The following KDM4B variants were observed in gnomAD, a reference collection of about 807,000 sequenced individuals.
KDM4B encodes lysine demethylase 4B.
KDM4B carries 32 observed loss-of-function variants against 125.2 expected under a neutral mutation model. The observed-to-expected ratio is 0.26, with a 90% CI of 0.19 to 0.34. The LOEUF (loss-of-function observed/expected upper bound fraction) is 0.34, where lower values mean the gene tolerates loss of function less well. KDM4B is among the 10% of genes least tolerant of loss of function. The pLI is 1.00. For missense variants in KDM4B, 1,190 were observed against 1,577.7 expected (o/e 0.75, Z 4.16); for synonymous variants, 721 against 677.9 (o/e 1.06, Z -0.99).
chr19:5,105,909 G>A lies in KDM4B; in HGVS notation c.919-4713G>A, dbSNP rs563089509. Among the ~76,000 whole-genome samples, 48 of 152,350 alleles carry A rather than the reference G, an allele frequency of 3.2e-4. 1 individual carries two copies. Among genetic ancestry groups the A allele is most frequent in the Admixed American group, 1.0e-3 (16 of 15,304 alleles). ...AAAACTTTATTCACAAAAACAAGTG[G>A]CAGGCCAGATGTGGCCCATGGGCCC... is the stretch of plus-strand genomic sequence containing the variant. On this transcript the variant is annotated intron_variant, in intron 9 of 22. Transcript: ENST00000159111.
chr19:5,034,669 C>T (rs1391097303), intron 3 of KDM4B, among the ~76,000 whole-genome samples: 1 of 152,254 alleles, frequency 6.6e-6, no homozygotes, highest in Admixed American at 6.5e-5. Flanking sequence ...CTGCCCCTCC[C>T]TCCACTCCCT....
chr19:5,038,889 C>G (rs1320947693), intron 3 of KDM4B, among the ~76,000 whole-genome samples: 1 of 152,264 alleles, frequency 6.6e-6, no homozygotes, highest in Non-Finnish European at 1.5e-5. Flanking sequence ...TTCCTGTTGG[C>G]TCACTCCAGG....
At chr19:5,133,339 G>C (rs1226181836) in intron 13 of KDM4B, among the ~76,000 whole-genome samples, 1 of 152,172 alleles carries the variant, frequency 6.6e-6, no homozygotes, top group Admixed American at 6.5e-5. Context: ...CCCTGGTCAC[G>C]GCCCCTCCTG....
chr19:5,069,941 G>C (rs1416589406), intron 6 of KDM4B, among the ~76,000 whole-genome samples: 2 of 152,166 alleles, frequency 1.3e-5, no homozygotes, highest in East Asian at 3.9e-4. Context: ...TGGCCTTTCA[G>C]CTGGAAGGGG....
At chr19:5,137,490 CG>C in intron 16 of KDM4B, 130 bp from the exon 17 acceptor site, 1 of 1,212,404 alleles carries the variant, frequency 8.2e-7, no homozygotes, top group Non-Finnish European at 1.2e-6. Context: ...GATTCCCACC[CG>C]TCACTTTGGT....
intron 6 of KDM4B, among the ~76,000 whole-genome samples, chr19:5,067,795 C>T (rs913704460): frequency 2.0e-5 from 3 of 152,174 alleles, no homozygotes; most frequent in Admixed American, 2.0e-4. Context: ...GGGCAGCTGT[C>T]TGTCCAGAAA....
In KDM4B at chr19:5,114,143, T is replaced by A; in HGVS notation, c.1115+3325T>A. On this transcript the variant is annotated intron_variant, in intron 10 of 22. Coordinates refer to ENST00000159111, the MANE Select transcript of KDM4B (RefSeq NM_015015.3). The surrounding 1 kb of genome is among the most constrained non-coding windows in gnomAD (Gnocchi z 5.8). The stretch of plus-strand genomic sequence containing the variant: ...CCTGCCTGAGCCGGAGCCCTCACAG[T>A]GCTCTCTGGCACCCACGCGACGCTC... 2.3e-6 allele frequency: 3 copies of A among 1,289,428 alleles called. No individual in the cohort carries two copies. The highest frequency in any genetic ancestry group is 3.0e-6 in the Non-Finnish European group (3 of 988,768). 79.9% of individuals were successfully genotyped at this position (1,289,428 alleles called of 1,614,324 possible). A position where few individuals can be genotyped will look rare whatever the true frequency, so the allele number is the denominator to read the frequency against.
chr19:5,028,905 T>G (rs2036364953), intron 2 of KDM4B, among the ~76,000 whole-genome samples: 1 of 152,098 alleles, frequency 6.6e-6, no homozygotes, highest in African/African-American at 2.4e-5. Context: ...CTTGGCCTGT[T>G]TTTTGCTGGT....
chr19:5,061,690 C>T (rs2037602474), intron 6 of KDM4B, among the ~76,000 whole-genome samples: 1 of 152,070 alleles, frequency 6.6e-6, no homozygotes, highest in Non-Finnish European at 1.5e-5. Context: ...CATTGCAAGA[C>T]TCCATCTCTA....
intron 1 of KDM4B, among the ~76,000 whole-genome samples, chr19:4,981,426 G>C (rs574199265): frequency 6.6e-6 from 1 of 152,308 alleles, no homozygotes; most frequent in Admixed American, 6.5e-5. Flanking sequence ...CGCGAATCCA[G>C]CCTGGGGTTG....
intron 11 of KDM4B, among the ~76,000 whole-genome samples, chr19:5,126,209 T>TG (rs1170713317): frequency 6.6e-6 from 1 of 152,038 alleles, no homozygotes; most frequent in East Asian, 1.9e-4. Context: ...GAGAGGTGCC[T>TG]GGGGGGCGGT....
intron 1 of KDM4B, among the ~76,000 whole-genome samples, chr19:4,977,106 T>G (rs1351014890): frequency 6.6e-6 from 1 of 152,186 alleles, no homozygotes; most frequent in Non-Finnish European, 1.5e-5. Flanking sequence ...CCTTCCCTCT[T>G]TCTTTTCTTT....
intron 1 of KDM4B, among the ~76,000 whole-genome samples, chr19:4,999,252 A>G (rs1386553372): frequency 6.6e-6 from 1 of 152,178 alleles, no homozygotes; most frequent in East Asian, 1.9e-4. Context: ...GTTATAATCC[A>G]CTGCCATCAC....
rs858416 is a variant in KDM4B, at chr19:5,056,753, C to T, written c.626+9084C>T. On this transcript the variant is annotated intron_variant, in intron 6 of 22. Transcript: ENST00000159111. ...TGATTTGGGACCTTTATCACATCTT[C>T]GAGACCCTCACGGCAGCAGCACGGG... is the stretch of plus-strand genomic sequence containing the variant. 2.7e-3 allele frequency among the ~76,000 whole-genome samples: 407 copies of T among 152,158 alleles called. 3 individuals are homozygous for T. The highest frequency in any genetic ancestry group is 0.01 in the Middle Eastern group (3 of 292).
intron 1 of KDM4B, among the ~76,000 whole-genome samples, chr19:4,996,144 G>A (rs965572621): frequency 1.3e-5 from 2 of 151,910 alleles, no homozygotes; most frequent in African/African-American, 2.4e-5. Context: ...CATGTGCCAC[G>A]ACGCCTGGCT....
intron 6 of KDM4B, among the ~76,000 whole-genome samples, chr19:5,064,267 C>T (rs186557590): frequency 3.9e-5 from 6 of 152,338 alleles, no homozygotes; most frequent in Non-Finnish European, 8.8e-5. Context: ...GTACTTCCAG[C>T]GTGACGTGCA....
At chr19:5,096,030 G>A (rs1391012372) in intron 9 of KDM4B, among the ~76,000 whole-genome samples, 1 of 152,122 alleles carries the variant, frequency 6.6e-6, no homozygotes, top group Non-Finnish European at 1.5e-5. Flanking sequence ...CTTGTGTTAT[G>A]GAAATGTAGG....
At chr19:5,084,353 T>C (rs1292610602) in intron 9 of KDM4B, among the ~76,000 whole-genome samples, 1 of 145,090 alleles carries the variant, frequency 6.9e-6, no homozygotes, top group Non-Finnish European at 1.5e-5. Context: ...TTGTATGTAA[T>C]TTATATATTG....
rs374032518 is a variant in KDM4B at position 5,135,472 on chromosome 19, C to T, written c.2219C>T (p.Thr740Met). Residue 740 changes from threonine to methionine, a missense_variant, in exon 15 of 23, where the codon ACG becomes ATG. By Grantham distance (81) the Thr-to-Met change is moderately conservative. Transcript: ENST00000159111. ...TGCTTCACCTCTGGCGGTGAGAACA[C>T]GGAGCCGCTGCCTGCCAACTCCTAC... ...EMCFTSGGEN[T>M]EPLPANSYIG... 6.2e-6 allele frequency: 10 copies of T among 1,613,124 alleles called. No individual in the cohort carries two copies. The highest frequency in any genetic ancestry group is 5.3e-5 in the African/African-American group (4 of 74,936).
Sources: allele counts gnomAD v4.1 joint callset (sites outside exome capture counted in the v4.1 genomes callset), GRCh38; gene constraint gnomAD v4.1.1; non-coding constraint Gnocchi (gnomAD v3.1); transcripts MANE v1.5; gene names NCBI Gene and HGNC (gene_info 2026-07-23, HGNC 2026-07-21).